The following AGBL1 variants were observed in gnomAD, a reference collection of about 807,000 sequenced individuals.
The protein encoded by AGBL1 is AGBL carboxypeptidase 1, also known as cytosolic carboxypeptidase 4.
A neutral mutation model predicts 118.9 loss-of-function variants in AGBL1; 130 were observed. The observed-to-expected ratio is 1.09, with a 90% CI of 0.95 to 1.26. AGBL1 has a LOEUF of 1.26. Ranked by LOEUF, AGBL1 falls within the 50% of genes most tolerant of loss-of-function variation. The pLI is 0.00. For missense variants in AGBL1, 1,584 were observed against 1,298.1 expected, an observed-to-expected ratio of 1.22 and a Z score of -3.38; for synonymous variants, 555 against 478.9, an observed-to-expected ratio of 1.16 and a Z score of -2.08.
At chr15:86,299,783 T>C (rs1169267906) in intron 17 of AGBL1, 1 of 152,132 alleles carries the variant, frequency 6.6e-6, no homozygotes, top group East Asian at 1.9e-4. Context: ...TTTTCTATCT[T>C]TAGTTTGTAT....
chr15:86,238,050 T>A (rs2078582001), intron 6 of AGBL1, among the ~76,000 whole-genome samples: 1 of 152,212 alleles, frequency 6.6e-6, no homozygotes. Context: ...CGCTCATGCC[T>A]CAGCTCCAAT....
At chr15:86,741,402 A>AAAAAAAAAAAAAAAAAAAAAAAAAAAAAC (rs2077676820) in intron 22 of AGBL1, among the ~76,000 whole-genome samples, 1 of 123,268 alleles carries the variant, frequency 8.1e-6, no homozygotes, top group African/African-American at 2.8e-5. Context: ...AAAAAAAAAA[A>AAAAAAAAAAAAAAAAAAAAAAAAAAAAAC]AAAAAAAAAA....
At chr15:86,088,247 G>A (rs1895794227) in intron 1 of AGBL1, 1 of 152,310 alleles carries the variant, frequency 6.6e-6, no homozygotes, top group African/African-American at 2.4e-5. Flanking sequence ...GAGTGGAAAG[G>A]TAGTGATGGA....
intron 22 of AGBL1, among the ~76,000 whole-genome samples, chr15:86,749,137 A>C (rs912563855): frequency 4.4e-4 from 67 of 152,116 alleles, no homozygotes; most frequent in Non-Finnish European, 7.9e-4. Flanking sequence ...TCTTCCTATC[A>C]ATGAGCATGG....
intron 18 of AGBL1, among the ~76,000 whole-genome samples, chr15:86,407,686 T>A (rs1052819747): frequency 6.6e-6 from 1 of 152,192 alleles, no homozygotes; most frequent in Non-Finnish European, 1.5e-5. Flanking sequence ...TTTCTCCTTT[T>A]AGTCATCATT....
At chr15:86,840,236 ACT>A (rs1253134954) in intron 22 of AGBL1, among the ~76,000 whole-genome samples, 2 of 152,130 alleles carry the variant, frequency 1.3e-5, no homozygotes, top group African/African-American at 4.8e-5. Flanking sequence ...TAACACTTTA[ACT>A]AGAGTTAAGC....
intron 22 of AGBL1, among the ~76,000 whole-genome samples, chr15:86,821,471 C>T (rs2078942926): frequency 6.6e-6 from 1 of 151,800 alleles, no homozygotes; most frequent in African/African-American, 2.4e-5. Context: ...GAAAGTAATT[C>T]CAGATAACAG....
At chr15:86,721,081 C>A (rs1244509908) in intron 22 of AGBL1, among the ~76,000 whole-genome samples, 1 of 152,182 alleles carries the variant, frequency 6.6e-6, no homozygotes, top group Admixed American at 6.5e-5. Context: ...CAAGGAGGAG[C>A]TGGTACCATT....
At chr15:86,567,930 A>T (rs939313542) in intron 21 of AGBL1, among the ~76,000 whole-genome samples, 3 of 152,152 alleles carry the variant, frequency 2.0e-5, no homozygotes, top group African/African-American at 4.8e-5. Flanking sequence ...GGATAGTCAG[A>T]CCAGATGTAA....
chr15:86,941,771 C>A (rs1273463169), intron 23 of AGBL1, among the ~76,000 whole-genome samples: 1 of 152,206 alleles, frequency 6.6e-6, no homozygotes, highest in Non-Finnish European at 1.5e-5. Flanking sequence ...TTGAGAGCTG[C>A]TGACTGCCAT....
intron 22 of AGBL1, among the ~76,000 whole-genome samples, chr15:86,897,811 C>T (rs1253946765): frequency 1.4e-5 from 2 of 141,512 alleles, no homozygotes; most frequent in Non-Finnish European, 3.0e-5. Context: ...ACTCTGTCAC[C>T]CAGGCTGAAG....
intron 11 of AGBL1, 92 bp downstream of exon 11, chr15:86,264,930 A>G (rs908956194): frequency 8.5e-7 from 1 of 1,178,278 alleles, no homozygotes; most frequent in Non-Finnish European, 1.2e-6. Context: ...TACTATCTAT[A>G]GGAAAGAGAG....
At chr15:86,541,970 T>A (rs988150577) in intron 19 of AGBL1, among the ~76,000 whole-genome samples, 9 of 152,070 alleles carry the variant, frequency 5.9e-5, no homozygotes, top group African/African-American at 2.2e-4. Flanking sequence ...TGTGTGGGAG[T>A]ATTCTAATAA....
chr15:86,813,615 T>C (rs1429953016), intron 22 of AGBL1, among the ~76,000 whole-genome samples: 1 of 152,146 alleles, frequency 6.6e-6, no homozygotes, highest in Non-Finnish European at 1.5e-5. Context: ...ACAGATCCTC[T>C]GGAGTCCTCA....
intron 5 of AGBL1, among the ~76,000 whole-genome samples, chr15:86,222,927 G>A (rs2078302137): frequency 6.6e-6 from 1 of 152,140 alleles, no homozygotes; most frequent in South Asian, 2.1e-4. Flanking sequence ...ACTTTCATGT[G>A]CATATAAATT....
rs148109697 is a variant in AGBL1 at position 86,486,016 on chromosome 15, G to T, written c.2556-36794G>T. Among the ~76,000 whole-genome samples the T allele has an allele frequency of 3.3e-5, 5 of 152,192 alleles. No homozygotes were observed. The East Asian group carries it at 5.8e-4, about 18-fold the overall frequency. Reference sequence around the variant, plus strand: ...TGAGCATTGGCATCACCTGTATCTGGGTTGACACTTAGGTTCTTCTGTTTA... The same window carrying T: ...TGAGCATTGGCATCACCTGTATCTGTGTTGACACTTAGGTTCTTCTGTTTA... On this transcript the variant is annotated intron_variant, in intron 18 of 22. Coordinates refer to ENST00000614907, the MANE Select transcript of AGBL1 (RefSeq NM_001386094.1).
chr15:86,762,935 G>T (rs762352157), intron 22 of AGBL1, among the ~76,000 whole-genome samples: 3 of 151,956 alleles, frequency 2.0e-5, no homozygotes, highest in Non-Finnish European at 4.4e-5. Flanking sequence ...GGTGGGTAGA[G>T]ACAGAAACAG....
At chr15:86,916,360 C>CA (rs201227311), downstream of AGBL1, among the ~76,000 whole-genome samples, 36 of 152,076 alleles carry the variant, frequency 2.4e-4, no homozygotes, top group East Asian at 7.0e-3. Flanking sequence ...GAAAAAATAA[C>CA]AGAGAATAAC....
intron 22 of AGBL1, among the ~76,000 whole-genome samples, chr15:86,764,146 A>G (rs1286054469): frequency 3.3e-5 from 5 of 152,046 alleles, no homozygotes; most frequent in East Asian, 1.9e-4. Flanking sequence ...TTGGATTAGA[A>G]AGTCCAGCTG....
Sources: allele counts gnomAD v4.1 joint callset (sites outside exome capture counted in the v4.1 genomes callset), GRCh38; gene constraint gnomAD v4.1.1; transcripts MANE v1.5; gene names NCBI Gene and HGNC (gene_info 2026-07-23, HGNC 2026-07-21).